CERS3: variants seen among roughly 807,000 people sequenced by gnomAD.
CERS3 encodes LAG1 homolog, ceramide synthase 3.
Under a neutral mutation model 50.3 loss-of-function variants are expected in CERS3, and 33 were observed. The observed-to-expected ratio is 0.66, with a 90% confidence interval of 0.50 to 0.88. CERS3 has a LOEUF of 0.88. Among genes scored for constraint, CERS3 ranks in the 40% least tolerant of loss-of-function variants. The pLI, the probability that CERS3 is intolerant of heterozygous loss-of-function variation, is 0.00. For missense variants in CERS3, 470 were observed against 460.3 expected (o/e 1.02, Z -0.19); for synonymous variants, 176 against 155.2 (o/e 1.13, Z -0.99).
At chr15:100,412,850 G>C (rs929782721) in intron 11 of CERS3, among the ~76,000 whole-genome samples, 1 of 152,122 alleles carries the variant, frequency 6.6e-6, no homozygotes, top group African/African-American at 2.4e-5. Flanking sequence ...GCTTTTAAGA[G>C]AAAAATTAAG....
intron 2 of CERS3, among the ~76,000 whole-genome samples, chr15:100,502,737 C>A (rs2036049827): frequency 6.6e-6 from 1 of 152,160 alleles, no homozygotes; most frequent in East Asian, 1.9e-4. Context: ...GGCTTCCTGC[C>A]TTGAGGACAT....
At chr15:100,427,754 T>C (rs2032904637) in intron 11 of CERS3, among the ~76,000 whole-genome samples, 1 of 152,240 alleles carries the variant, frequency 6.6e-6, no homozygotes, top group Non-Finnish European at 1.5e-5. Flanking sequence ...CATTTTCTTC[T>C]AACAAGTCTT....
At chr15:100,542,446 C>T (rs571241564) in intron 1 of CERS3, among the ~76,000 whole-genome samples, 4 of 152,290 alleles carry the variant, frequency 2.6e-5, no homozygotes, top group South Asian at 2.1e-4. Context: ...CCACAGTGAC[C>T]GTTCTCACAT....
intron 11 of CERS3, among the ~76,000 whole-genome samples, chr15:100,411,310 C>T (rs2031472306): frequency 1.3e-5 from 2 of 152,078 alleles, no homozygotes; most frequent in African/African-American, 4.8e-5. Flanking sequence ...TACAGGTGCC[C>T]ACCACCATGC....
At chr15:100,462,059 T>C (rs2034567348) in intron 10 of CERS3, among the ~76,000 whole-genome samples, 1 of 152,182 alleles carries the variant, frequency 6.6e-6, no homozygotes, top group Admixed American at 6.5e-5. Context: ...GGCACATGCA[T>C]AGAACACACA....
At chr15:100,528,985 T>C (rs1261378162), upstream of CERS3, 1 of 152,190 alleles carries the variant, frequency 6.6e-6, no homozygotes, top group Non-Finnish European at 1.5e-5. Flanking sequence ...AGTCAAGATT[T>C]CTGACTGAGG....
At chr15:100,443,399 C>T (rs2033789667) in intron 11 of CERS3, among the ~76,000 whole-genome samples, 1 of 149,216 alleles carries the variant, frequency 6.7e-6, no homozygotes, top group Non-Finnish European at 1.5e-5. Context: ...TGTCCTAAAA[C>T]CAGACAAGCC....
intron 10 of CERS3, among the ~76,000 whole-genome samples, chr15:100,459,398 C>G (rs1193467644): frequency 1.3e-5 from 2 of 152,150 alleles, no homozygotes; most frequent in African/African-American, 2.4e-5. Context: ...CAGGCTCAAG[C>G]AATCCTCCAA....
intron 11 of CERS3, among the ~76,000 whole-genome samples, chr15:100,403,770 C>T (rs2030753716): frequency 6.6e-6 from 1 of 152,164 alleles, no homozygotes; most frequent in Non-Finnish European, 1.5e-5. Context: ...AAAACAGCAG[C>T]ACTAGGTCCA....
chr15:100,456,044 A>G lies in CERS3; in HGVS notation c.848T>C (p.Ile283Thr). 1 of 1,600,272 alleles carries G rather than the reference A, an allele frequency of 6.2e-7. No homozygotes were observed. Among genetic ancestry groups the G allele is most frequent in the Non-Finnish European group, 8.5e-7 (1 of 1,174,134 alleles). The change falls in exon 11 of 12, where the codon ATT (isoleucine) becomes ACT (threonine). Residue 283 changes from isoleucine to threonine, a missense_variant and splice_region_variant. Physicochemically the swap from Ile to Thr is moderately conservative, Grantham distance 89. Transcript: ENST00000679737. ...AGGCAAGATCAGCGTGCAATATAAA[A>G]TCCTGAAACACCAAACAGTTGAGAG... ...ISRLIVFPFW[I>T]LYCTLILPMY...
At chr15:100,412,290 TCA>T (rs1481448958) in intron 11 of CERS3, among the ~76,000 whole-genome samples, 3 of 152,148 alleles carry the variant, frequency 2.0e-5, no homozygotes, top group African/African-American at 7.2e-5. Context: ...ATGTGGATAT[TCA>T]GTTTTCCCAG....
At chr15:100,542,659 C>T (rs945890450) in intron 1 of CERS3, among the ~76,000 whole-genome samples, 4 of 152,040 alleles carry the variant, frequency 2.6e-5, no homozygotes, top group African/African-American at 9.7e-5. Flanking sequence ...TTATTACTAC[C>T]ATAGGGCACT....
chr15:100,474,277 G>T, intron 8 of CERS3, among the ~76,000 whole-genome samples: 1 of 152,118 alleles, frequency 6.6e-6, no homozygotes, highest in East Asian at 1.9e-4. Flanking sequence ...GTTTAATTGT[G>T]TTATATGTGG....
Position 100,517,629 on chromosome 15 carries a change from T to C in CERS3, c.-2+4038A>G, listed in dbSNP as rs1174729708. On this transcript the variant is annotated intron_variant, in intron 2 of 11. Coordinates refer to ENST00000679737, the MANE Select transcript of CERS3 (RefSeq NM_001378789.1). ...CTTTTAGGAAAGGATTTGGGGTTAC[T>C]AAGGTACACTGATGAAGCAAGCTCC... Among the ~76,000 whole-genome samples, 11 of 152,316 alleles carry C rather than the reference T, an allele frequency of 7.2e-5. No homozygotes were observed. The East Asian group carries it at 2.1e-3, about 29-fold the overall frequency.
intron 2 of CERS3, among the ~76,000 whole-genome samples, chr15:100,508,385 G>GA (rs1014325222): frequency 1.1e-4 from 17 of 151,948 alleles, no homozygotes; most frequent in Non-Finnish European, 1.2e-4. Flanking sequence ...CTTGGTAGAT[G>GA]AAAAAAAACA....
At chr15:100,427,375 A>G (rs975036254) in intron 11 of CERS3, among the ~76,000 whole-genome samples, 3 of 152,214 alleles carry the variant, frequency 2.0e-5, no homozygotes, top group Non-Finnish European at 2.9e-5. Flanking sequence ...ATGCCAATCT[A>G]TCAGCCCATA....
At chr15:100,445,821 G>C (rs1033970884) in intron 11 of CERS3, among the ~76,000 whole-genome samples, 1 of 152,004 alleles carries the variant, frequency 6.6e-6, no homozygotes, top group African/African-American at 2.4e-5. Context: ...CTGAGCCCAG[G>C]CTAAGCCATC....
intron 1 of CERS3, among the ~76,000 whole-genome samples, chr15:100,538,262 A>G (rs937797775): frequency 6.6e-6 from 1 of 152,148 alleles, no homozygotes; most frequent in African/African-American, 2.4e-5. Context: ...TGGATCTACC[A>G]TTATGGGGTC....
chr15:100,537,474 T>A (rs1014776053), intron 1 of CERS3, among the ~76,000 whole-genome samples: 3 of 152,162 alleles, frequency 2.0e-5, no homozygotes, highest in African/African-American at 7.2e-5. Context: ...TGACTCACAG[T>A]TCAGCATGAC....
Sources: allele counts gnomAD v4.1 joint callset (sites outside exome capture counted in the v4.1 genomes callset), GRCh38; gene constraint gnomAD v4.1.1; transcripts MANE v1.5; gene names NCBI Gene and HGNC (gene_info 2026-07-23, HGNC 2026-07-21).